DDAH1: variants seen among roughly 807,000 people sequenced by gnomAD.
DDAH1 encodes dimethylarginine dimethylaminohydrolase 1.
In DDAH1, 19 loss-of-function variants were observed where a neutral mutation model predicts 28.8. The observed-to-expected ratio is 0.66, with a 90% CI of 0.46 to 0.97. DDAH1 has a LOEUF of 0.97. Among genes scored for constraint, DDAH1 ranks in the 50% least tolerant of loss-of-function variants. The pLI is 0.00. For missense variants in DDAH1, 326 were observed against 375.9 expected (o/e 0.87, Z 1.10); for synonymous variants, 153 against 154.4 (o/e 0.99, Z 0.07).
chr1:85,321,415 G>T lies in DDAH1; in HGVS notation c.*37C>A. The T allele has an allele frequency of 7.3e-7, 1 of 1,373,212 alleles. No homozygotes were observed. Among genetic ancestry groups the T allele is most frequent in the Non-Finnish European group, 1.0e-6 (1 of 960,708 alleles). 85.1% of individuals were successfully genotyped at this position (1,373,212 alleles called of 1,614,324 possible). A position where few individuals can be genotyped will look rare whatever the true frequency, so the allele number is the denominator to read the frequency against. On this transcript the variant is annotated 3_prime_UTR_variant, in exon 6 of 6. Coordinates refer to ENST00000284031, the MANE Select transcript of DDAH1 (RefSeq NM_012137.4). ...GGGCACAGAGTCATCGGCCTTGCCT[G>T]TGCGGTCTTGCCGGCTACCGGGGGG... is the stretch of plus-strand genomic sequence containing the variant.
At chr1:85,377,672 T>A (rs1650744795) in intron 1 of DDAH1, among the ~76,000 whole-genome samples, 1 of 152,154 alleles carries the variant, frequency 6.6e-6, no homozygotes, top group Non-Finnish European at 1.5e-5. Context: ...CAGATTCTTT[T>A]AGGAAGCAAA....
At chr1:85,368,789 A>G (rs1049451611) in intron 1 of DDAH1, among the ~76,000 whole-genome samples, 1 of 152,176 alleles carries the variant, frequency 6.6e-6, no homozygotes. Context: ...AAGCATAAAA[A>G]TTTGCTGTGC....
At chr1:85,414,268 G>C (rs1652786936) in intron 1 of DDAH1, among the ~76,000 whole-genome samples, 1 of 152,194 alleles carries the variant, frequency 6.6e-6, no homozygotes, top group Non-Finnish European at 1.5e-5. Context: ...GGTGCCAGGA[G>C]AGTTAGTTCT....
chr1:85,346,875 G>A (rs180980356), intron 4 of DDAH1, among the ~76,000 whole-genome samples: 10 of 152,234 alleles, frequency 6.6e-5, no homozygotes, highest in Non-Finnish European at 1.3e-4. Context: ...ATCTGACAAA[G>A]GGTTAATATC....
chr1:85,371,633 A>AGG (rs1650389584), intron 1 of DDAH1, among the ~76,000 whole-genome samples: 1 of 152,224 alleles, frequency 6.6e-6, no homozygotes, highest in Non-Finnish European at 1.5e-5. Flanking sequence ...AGGCAAGGCT[A>AGG]TATAGCAAGA....
At chr1:85,321,755 AG>A (rs1661356142) in intron 5 of DDAH1, among the ~76,000 whole-genome samples, 187 bp from the exon 6 acceptor site, 1 of 152,180 alleles carries the variant, frequency 6.6e-6, no homozygotes. Context: ...GTTAACCACT[AG>A]CCCTGTGCTT....
intron 4 of DDAH1, among the ~76,000 whole-genome samples, chr1:85,346,924 A>C (rs1007976634): frequency 1.2e-4 from 18 of 152,054 alleles, no homozygotes; most frequent in African/African-American, 2.4e-5. Context: ...TACAAGAAAA[A>C]AACAAACAAC....
In DDAH1 at chr1:85,464,706, C is replaced by A; in HGVS notation, c.303+37G>T. 7.0e-7 allele frequency: 1 copy of A among 1,437,594 alleles called. No individual in the cohort carries two copies. Among genetic ancestry groups the A allele is most frequent in the Non-Finnish European group, 9.1e-7 (1 of 1,102,212 alleles). 89.1% of individuals were successfully genotyped at this position (1,437,594 alleles called of 1,614,324 possible). On this transcript the variant is annotated intron_variant, in intron 1 of 5. Transcript: ENST00000284031. This position sits in a 1 kb window ranked among gnomAD's most constrained non-coding sequence, Gnocchi z 4.4. ...CGGCCGGCGGCGGGGGAGGGCCTGG[C>A]GCGCGCCCCGGCCGCGCCCCTCGAG...
upstream of DDAH1, among the ~76,000 whole-genome samples, chr1:85,465,384 C>T (rs1444810053): frequency 6.6e-6 from 1 of 152,184 alleles, no homozygotes; most frequent in African/African-American, 2.4e-5. Flanking sequence ...GGCGGGGGAC[C>T]TCGGCGAAAA....
intron 1 of DDAH1, among the ~76,000 whole-genome samples, chr1:85,570,411 T>C (rs1298354812): frequency 6.7e-6 from 1 of 148,950 alleles, no homozygotes; most frequent in Non-Finnish European, 1.5e-5. Flanking sequence ...AGTGCACTTA[T>C]CTAACACCTT....
At chr1:85,379,629 T>A in intron 1 of DDAH1, 1 of 985,410 alleles carries the variant, frequency 1.0e-6, no homozygotes, top group Non-Finnish European at 1.2e-6. Flanking sequence ...ACACCACTCT[T>A]CACCATTATA....
At chr1:85,371,809 C>T (rs1370085354) in intron 1 of DDAH1, among the ~76,000 whole-genome samples, 1 of 152,176 alleles carries the variant, frequency 6.6e-6, no homozygotes, top group Non-Finnish European at 1.5e-5. Flanking sequence ...ATTAGTATAT[C>T]CTCAATGATT....
In DDAH1 at chr1:85,538,841, G is replaced by A. The variant is rs1658376034; in HGVS notation, c.-123+39143C>T. Reference sequence around the variant, plus strand: ...TTTATGCTCACAAATGTGTGCCTGCGGGATCAATTATACTCTACACTGTTG... The same window carrying A: ...TTTATGCTCACAAATGTGTGCCTGCAGGATCAATTATACTCTACACTGTTG... On this transcript the variant is annotated intron_variant, in intron 1 of 6. Transcript: ENST00000426972. 2.0e-5 allele frequency among the ~76,000 whole-genome samples: 3 copies of A among 152,170 alleles called. No individual in the cohort carries two copies. In the South Asian group the frequency reaches 6.2e-4, roughly 32 times the overall value.
At chr1:85,323,682 C>G (rs981320921) in intron 5 of DDAH1, among the ~76,000 whole-genome samples, 4 of 152,118 alleles carry the variant, frequency 2.6e-5, no homozygotes, top group Non-Finnish European at 5.9e-5. Context: ...ACTCCTCTAC[C>G]TAAAGAAACA....
At position 85,514,397 on chromosome 1, in the gene DDAH1, TG is replaced by T. The variant is rs1657369719; in HGVS notation, c.-122-18117del. Among the ~76,000 whole-genome samples, 2 of 151,742 alleles carry T rather than the reference TG, an allele frequency of 1.3e-5. 1 individual carries two copies. Among genetic ancestry groups the T allele is most frequent in the African/African-American group, 4.8e-5 (2 of 41,300 alleles). The stretch of plus-strand genomic sequence containing the variant: ...CGGGGCCTGTCAGGGGCTTGGGAGC[TG>T]GGGGATAGCATTAGGAGAAATACCT... On this transcript the variant is annotated intron_variant, in intron 1 of 6. Coordinates refer to the DDAH1 transcript ENST00000426972.
intron 4 of DDAH1, among the ~76,000 whole-genome samples, chr1:85,328,716 C>G (rs1647572546): frequency 6.6e-6 from 1 of 152,196 alleles, no homozygotes; most frequent in Non-Finnish European, 1.5e-5. Flanking sequence ...TTGAGGACCT[C>G]AGAGAGATCC....
At chr1:85,352,180 T>C (rs1649253907) in intron 2 of DDAH1, among the ~76,000 whole-genome samples, 1 of 152,164 alleles carries the variant, frequency 6.6e-6, no homozygotes, top group African/African-American at 2.4e-5. Flanking sequence ...ACATTCTCTC[T>C]AGGCCTGCGT....
Position 85,402,156 on chromosome 1 carries a change from CTTCTAT to C in DDAH1, c.304-43315_304-43310del, listed in dbSNP as rs1652140991. ...ACGCAACCACCACTCCCAGCTAATA[CTTCTAT>C]TTTTTTTTTTTTTTTTTTTGGTACA... On this transcript the variant is annotated intron_variant, in intron 1 of 5. Transcript: ENST00000284031. Among the ~76,000 whole-genome samples the C allele has an allele frequency of 2.2e-5, 3 of 138,106 alleles. No homozygotes were observed. The Admixed American group carries it at 2.4e-4, about 11-fold the overall frequency. 90.6% of individuals were successfully genotyped at this position (138,106 alleles called of 152,430 possible).
chr1:85,536,996 T>C (rs1344691984), intron 1 of DDAH1, among the ~76,000 whole-genome samples: 3 of 142,984 alleles, frequency 2.1e-5, no homozygotes, highest in South Asian at 2.2e-4. Flanking sequence ...CGTATATACA[T>C]ACACACAGTG....
Sources: allele counts gnomAD v4.1 joint callset (sites outside exome capture counted in the v4.1 genomes callset), GRCh38; gene constraint gnomAD v4.1.1; non-coding constraint Gnocchi (gnomAD v3.1); transcripts MANE v1.5; gene names NCBI Gene and HGNC (gene_info 2026-07-23, HGNC 2026-07-21).